GALNTL6: variants seen among roughly 807,000 people sequenced by gnomAD.
The protein encoded by GALNTL6 is polypeptide N-acetylgalactosaminyltransferase like 6.
In GALNTL6, 46 loss-of-function variants were observed where a neutral mutation model predicts 73.7. The ratio of observed to expected loss-of-function variants is 0.62; its 90% CI spans 0.49 to 0.80. GALNTL6 has a LOEUF of 0.80. GALNTL6 is among the 30% of genes least tolerant of loss of function. GALNTL6 has a pLI of 0.00. For synonymous variants in GALNTL6, 259 were observed against 263.7 expected (o/e 0.98, Z 0.17); for missense variants, 604 against 755.0 (o/e 0.80, Z 2.34).
chr4:172,468,392 T>C (rs1345681448), intron 5 of GALNTL6, among the ~76,000 whole-genome samples: 1 of 152,326 alleles, frequency 6.6e-6, no homozygotes, highest in East Asian at 1.9e-4. Flanking sequence ...ATTAGAAATA[T>C]ATGGTTTGGA....
chr4:172,063,059 T>C (rs769721908), intron 2 of GALNTL6, among the ~76,000 whole-genome samples: 1 of 152,164 alleles, frequency 6.6e-6, no homozygotes, highest in African/African-American at 2.4e-5. Context: ...CCAGAGTAAG[T>C]CTAAGAAGTT....
chr4:172,050,581 C>G (rs921281111), intron 2 of GALNTL6, among the ~76,000 whole-genome samples: 1 of 152,066 alleles, frequency 6.6e-6, no homozygotes, highest in Non-Finnish European at 1.5e-5. Flanking sequence ...TCCTTAGCAC[C>G]CCTTTATCTG....
chr4:172,201,515 T>G (rs1008804636), intron 2 of GALNTL6, among the ~76,000 whole-genome samples: 4 of 150,376 alleles, frequency 2.7e-5, no homozygotes, highest in Non-Finnish European at 5.9e-5. Flanking sequence ...TAGTTTTTTT[T>G]TTTTGTTTTT....
intron 5 of GALNTL6, among the ~76,000 whole-genome samples, chr4:172,409,016 G>T (rs941633390): frequency 6.6e-6 from 1 of 152,028 alleles, no homozygotes; most frequent in East Asian, 1.9e-4. Flanking sequence ...TAATTTAAAA[G>T]ATATTGAATA....
At chr4:172,459,606 A>G (rs1732535500) in intron 5 of GALNTL6, among the ~76,000 whole-genome samples, 1 of 152,240 alleles carries the variant, frequency 6.6e-6, no homozygotes, top group African/African-American at 2.4e-5. Context: ...GTGAACTCCC[A>G]TTCACAATTG....
chr4:172,266,594 C>T (rs1738460456), intron 3 of GALNTL6, among the ~76,000 whole-genome samples: 1 of 152,026 alleles, frequency 6.6e-6, no homozygotes, highest in South Asian at 2.1e-4. Flanking sequence ...CACGAAAGTA[C>T]ATTAAGTACT....
At chr4:172,045,344 A>G (rs1330424466) in intron 2 of GALNTL6, among the ~76,000 whole-genome samples, 1 of 152,060 alleles carries the variant, frequency 6.6e-6, no homozygotes, top group African/African-American at 2.4e-5. Flanking sequence ...TTACGTGGAA[A>G]AATATAACCT....
At chr4:172,441,969 A>T (rs892630220) in intron 5 of GALNTL6, among the ~76,000 whole-genome samples, 7 of 152,138 alleles carry the variant, frequency 4.6e-5, no homozygotes, top group African/African-American at 1.7e-4. Context: ...CAGTCACATT[A>T]TCCAGCATCA....
Position 172,581,023 on chromosome 4 carries a change from A to G in GALNTL6, c.554-228338A>G, listed in dbSNP as rs1175565056. Among the ~76,000 whole-genome samples the G allele has an allele frequency of 2.0e-5, 3 of 152,254 alleles. No individual in the cohort carries two copies. In the East Asian group the frequency reaches 5.8e-4, roughly 29 times the overall value. On this transcript the variant is annotated intron_variant, in intron 5 of 12. Coordinates refer to ENST00000506823, the MANE Select transcript of GALNTL6 (RefSeq NM_001034845.3). ...GTGATCCACCCACCTCAGCCTCCCA[A>G]AGTGCTGGGATTACAGGCGTGAGCC...
At chr4:172,401,648 A>T (rs1467004048) in intron 5 of GALNTL6, among the ~76,000 whole-genome samples, 1 of 152,118 alleles carries the variant, frequency 6.6e-6, no homozygotes, top group Non-Finnish European at 1.5e-5. Context: ...TTATGACCTT[A>T]TTTAAGTATA....
chr4:172,050,612 C>G (rs540604628), intron 2 of GALNTL6, among the ~76,000 whole-genome samples: 1 of 152,074 alleles, frequency 6.6e-6, no homozygotes, highest in Non-Finnish European at 1.5e-5. Flanking sequence ...GCCAGTGGAC[C>G]CATTTGGTGT....
chr4:172,948,358 C>G (rs1749272717), intron 9 of GALNTL6, among the ~76,000 whole-genome samples: 1 of 152,158 alleles, frequency 6.6e-6, no homozygotes, highest in African/African-American at 2.4e-5. Flanking sequence ...TTCACATGAT[C>G]CTTGGAATAT....
chr4:172,709,438 G>A (rs1277611515), intron 5 of GALNTL6, among the ~76,000 whole-genome samples: 15 of 152,172 alleles, frequency 9.9e-5, no homozygotes. Flanking sequence ...ATTCTTGCCA[G>A]CCCGACTTAC....
At chr4:171,830,370 C>T (rs1734935284) in intron 2 of GALNTL6, among the ~76,000 whole-genome samples, 1 of 152,074 alleles carries the variant, frequency 6.6e-6, no homozygotes, top group Admixed American at 6.6e-5. Flanking sequence ...TATCTTTTTT[C>T]CTCTTTTTAC....
intron 10 of GALNTL6, among the ~76,000 whole-genome samples, chr4:173,007,315 T>C (rs4499682): frequency 0.58 from 88,373 of 152,052 alleles, 27,019 homozygotes; most frequent in South Asian, 0.76. Flanking sequence ...GGGCCCATCC[T>C]GGTTTTGTTT....
At chr4:173,021,114 C>T (rs1474243078) in intron 11 of GALNTL6, among the ~76,000 whole-genome samples, 5 of 151,804 alleles carry the variant, frequency 3.3e-5, no homozygotes, top group African/African-American at 1.2e-4. Flanking sequence ...TCTCTCTGAC[C>T]CTCATCCCTC....
At chr4:172,278,408 T>C (rs1738909340) in intron 3 of GALNTL6, among the ~76,000 whole-genome samples, 1 of 152,190 alleles carries the variant, frequency 6.6e-6, no homozygotes, top group Non-Finnish European at 1.5e-5. Flanking sequence ...ATCTATCCTG[T>C]CTGATAATCT....
At chr4:172,272,601 A>G (rs1198804141) in intron 3 of GALNTL6, among the ~76,000 whole-genome samples, 1 of 152,210 alleles carries the variant, frequency 6.6e-6, no homozygotes, top group Non-Finnish European at 1.5e-5. Flanking sequence ...TGCAGTAGGT[A>G]GTCCAAAATG....
In GALNTL6 at chr4:172,351,181, G is replaced by GTCTGTCTGTCTGTCTATCTATTTA. The variant is rs139731159; in HGVS notation, c.553+2495_553+2496insGTCTGTCTGTCTATCTATTTATCT. Among the ~76,000 whole-genome samples, 377 of 122,598 alleles carry GTCTGTCTGTCTGTCTATCTATTTA rather than the reference G, an allele frequency of 3.1e-3. 1 individual carries two copies. Among genetic ancestry groups the GTCTGTCTGTCTGTCTATCTATTTA allele is most frequent in the East Asian group, 5.4e-3 (18 of 3,330 alleles). 80.4% of individuals were successfully genotyped at this position (122,598 alleles called of 152,430 possible). A position where few individuals can be genotyped will look rare whatever the true frequency, so the allele number is the denominator to read the frequency against. ...AATCAAATGTGATCCACAATAATCTGTCTATCTATCTATCTATCTATCTAT... is the reference window on the plus strand; with the variant it reads ...AATCAAATGTGATCCACAATAATCTGTCTGTCTGTCTGTCTATCTATTTATCTATCTATCTATCTATCTATCTAT... On this transcript the variant is annotated intron_variant, in intron 5 of 12. Coordinates refer to ENST00000506823, the MANE Select transcript of GALNTL6 (RefSeq NM_001034845.3).
Sources: gnomAD v4.1 joint callset for allele counts (sites outside exome capture counted in the v4.1 genomes callset) on GRCh38, gnomAD v4.1.1 for gene constraint, MANE v1.5 for transcripts, NCBI Gene and HGNC (gene_info 2026-07-23, HGNC 2026-07-21) for gene names.